Variants in ADAMTSL1 observed in about 807,000 individuals in gnomAD.
ADAMTSL1 encodes the protein ADAMTS like 1.
A neutral mutation model predicts 201.8 loss-of-function variants in ADAMTSL1; 126 were observed. That is an observed-to-expected ratio of 0.62 (90% CI 0.54 to 0.72). The LOEUF is 0.72. Ranked by LOEUF, ADAMTSL1 falls within the 30% of genes least tolerant of loss-of-function variation. The probability of loss-of-function intolerance (pLI) is 0.00; values close to 1 mark genes in which losing one functional copy is unlikely to be tolerated. For missense variants in ADAMTSL1, 2,679 were observed against 2,277.8 expected, an observed-to-expected ratio of 1.18 and a Z score of -3.59; for synonymous variants, 1,121 against 903.4, an observed-to-expected ratio of 1.24 and a Z score of -4.32.
At chr9:18,291,220 A>G (rs114066269) in intron 2 of ADAMTSL1, among the ~76,000 whole-genome samples, 2,217 of 152,332 alleles carry the variant, frequency 0.015, 59 homozygotes, top group African/African-American at 0.051. Context: ...AATAAATGAT[A>G]CTAAATCCTA....
At chr9:18,421,137 C>T (rs1818927000) in intron 2 of ADAMTSL1, among the ~76,000 whole-genome samples, 1 of 152,128 alleles carries the variant, frequency 6.6e-6, no homozygotes, top group Non-Finnish European at 1.5e-5. Context: ...GGAATGCGTT[C>T]CCTGATCACC....
intron 2 of ADAMTSL1, among the ~76,000 whole-genome samples, chr9:18,316,932 A>T (rs1291173106): frequency 6.6e-6 from 1 of 152,150 alleles, no homozygotes; most frequent in East Asian, 1.9e-4. Context: ...ACACCTCCAT[A>T]TTTATTGCAG....
chr9:18,276,193 T>C (rs1832582013), intron 2 of ADAMTSL1, among the ~76,000 whole-genome samples: 2 of 152,024 alleles, frequency 1.3e-5, no homozygotes, highest in South Asian at 4.2e-4. Context: ...TTTTATTGGG[T>C]GTTTGTCTTT....
intron 16 of ADAMTSL1, among the ~76,000 whole-genome samples, chr9:18,765,338 A>G (rs749259472): frequency 4.6e-5 from 7 of 152,226 alleles, no homozygotes; most frequent in Admixed American, 2.0e-4. Context: ...GAAGGACTCA[A>G]TAGGACCCAT....
In ADAMTSL1 at chr9:18,559,258, T is replaced by C. The variant is rs191842054; in HGVS notation, c.238-14772T>C. 6.6e-4 allele frequency among the ~76,000 whole-genome samples: 101 copies of C among 152,322 alleles called. 1 individual carries two copies. In the East Asian group the frequency reaches 0.016, roughly 25 times the overall value. ...TGTTTTCCCAACACCATTTATTAAA[T>C]AGGGAACCCTTTCACTATTGCTTGT... On this transcript the variant is annotated intron_variant, in intron 3 of 28. Coordinates refer to ENST00000380548, the MANE Select transcript of ADAMTSL1 (RefSeq NM_001040272.6).
chr9:18,204,691 T>C (rs973531656), intron 2 of ADAMTSL1, among the ~76,000 whole-genome samples: 5 of 152,058 alleles, frequency 3.3e-5, no homozygotes, highest in African/African-American at 1.2e-4. Context: ...AGCAGCCTTA[T>C]AGTGTTCAGA....
At chr9:18,717,231 A>G (rs1284636346) in intron 14 of ADAMTSL1, among the ~76,000 whole-genome samples, 2 of 10,166 alleles carry the variant, frequency 2.0e-4, no homozygotes, top group Non-Finnish European at 1.7e-3. Flanking sequence ...AACTTAAAGT[A>G]TAATAATAAT....
At chr9:18,007,307 C>A (rs1312073983) in intron 1 of ADAMTSL1, among the ~76,000 whole-genome samples, 1 of 151,914 alleles carries the variant, frequency 6.6e-6, no homozygotes, top group East Asian at 1.9e-4. Context: ...GTGAAGAGGA[C>A]CAGAAAAAAA....
intron 2 of ADAMTSL1, among the ~76,000 whole-genome samples, chr9:18,177,728 C>T (rs1012391125): frequency 9.9e-5 from 15 of 152,190 alleles, no homozygotes; most frequent in African/African-American, 2.2e-4. Context: ...AGAGATCTTC[C>T]GGTTGCTGTC....
chr9:18,555,975 C>A (rs1228035055), intron 3 of ADAMTSL1, among the ~76,000 whole-genome samples: 5 of 151,696 alleles, frequency 3.3e-5, no homozygotes, highest in African/African-American at 1.2e-4. Context: ...TGCACATGTA[C>A]CCTAGAACTT....
At chr9:18,843,714 C>T (rs1333521917) in intron 23 of ADAMTSL1, among the ~76,000 whole-genome samples, 1 of 150,894 alleles carries the variant, frequency 6.6e-6, no homozygotes, top group East Asian at 1.9e-4. Flanking sequence ...TCCCATATTT[C>T]TTGGAGGCTT....
At chr9:18,894,721 C>T (rs1041137151) in intron 26 of ADAMTSL1, among the ~76,000 whole-genome samples, 1 of 152,034 alleles carries the variant, frequency 6.6e-6, no homozygotes, top group Non-Finnish European at 1.5e-5. Flanking sequence ...ACATATAGGT[C>T]TGGGACTTAA....
intron 2 of ADAMTSL1, among the ~76,000 whole-genome samples, chr9:18,267,257 T>C (rs1382382879): frequency 1.3e-5 from 2 of 152,170 alleles, no homozygotes; most frequent in Admixed American, 6.6e-5. Context: ...TAGTCAGTCA[T>C]GCAACGATTT....
intron 2 of ADAMTSL1, among the ~76,000 whole-genome samples, chr9:18,322,685 C>T (rs1834674095): frequency 6.6e-6 from 1 of 151,698 alleles, no homozygotes; most frequent in Non-Finnish European, 1.5e-5. Flanking sequence ...TTAGCAATAC[C>T]AATAGAGGAG....
intron 2 of ADAMTSL1, among the ~76,000 whole-genome samples, chr9:18,450,671 A>T (rs867516054): frequency 6.6e-6 from 1 of 152,036 alleles, no homozygotes; most frequent in African/African-American, 2.4e-5. Context: ...ACTCAGAAAA[A>T]GTAAGTTAAT....
At chr9:17,908,898 T>G (rs1477396726) in intron 1 of ADAMTSL1, among the ~76,000 whole-genome samples, 3 of 152,092 alleles carry the variant, frequency 2.0e-5, no homozygotes, top group Non-Finnish European at 4.4e-5. Flanking sequence ...CTCGCCACAC[T>G]GACTTCCACA....
chr9:18,325,264 T>G (rs749411427), intron 2 of ADAMTSL1, among the ~76,000 whole-genome samples: 3 of 152,174 alleles, frequency 2.0e-5, no homozygotes, highest in Admixed American at 6.5e-5. Context: ...GATGAAAACA[T>G]AACATCCACA....
chr9:18,576,288 T>C lies in ADAMTSL1; in HGVS notation c.474+2022T>C, dbSNP rs1412093742. ...ATTGCATTTAAGCACTAACAAGAAA[T>C]TTAGTTTGGCTGGAGAGCCAGATAA... On this transcript the variant is annotated intron_variant, in intron 4 of 28. Transcript: ENST00000380548. Among the ~76,000 whole-genome samples, 3 of 152,116 alleles carry C rather than the reference T, an allele frequency of 2.0e-5. No homozygotes were observed. The East Asian group carries it at 5.8e-4, about 29-fold the overall frequency.
At chr9:18,491,088 T>C (rs1822248672) in intron 1 of ADAMTSL1, among the ~76,000 whole-genome samples, 1 of 152,180 alleles carries the variant, frequency 6.6e-6, no homozygotes, top group Non-Finnish European at 1.5e-5. Context: ...CAAAGAATGC[T>C]GATAGCAGCC....
Sources: allele counts gnomAD v4.1 joint callset (sites outside exome capture counted in the v4.1 genomes callset), GRCh38; gene constraint gnomAD v4.1.1; transcripts MANE v1.5; gene names NCBI Gene and HGNC (gene_info 2026-07-23, HGNC 2026-07-21).